Variants in LARP7 observed in about 807,000 individuals in gnomAD.
LARP7 encodes the protein la-related protein 7.
A neutral mutation model predicts 69.3 loss-of-function variants in LARP7; 52 were observed. That is an observed-to-expected ratio of 0.75 (90% CI 0.60 to 0.95). The LOEUF (loss-of-function observed/expected upper bound fraction) is 0.95. LARP7 is among the 40% of genes least tolerant of loss of function. LARP7 has a pLI of 0.00. For missense variants in LARP7, 733 were observed against 673.0 expected, an observed-to-expected ratio of 1.09 and a Z score of -0.99; for synonymous variants, 254 against 215.9, an observed-to-expected ratio of 1.18 and a Z score of -1.55.
At chr4:112,655,520 G>A (rs2048920835) in intron 12 of LARP7, 1 of 152,166 alleles carries the variant, frequency 6.6e-6, no homozygotes, top group Admixed American at 6.6e-5. Flanking sequence ...AGTAAGTGCT[G>A]TGCAAAGCTT....
Position 112,647,993 on chromosome 4 carries a change from G to C in LARP7, c.1142+159G>C, listed in dbSNP as rs372925614. On this transcript the variant is annotated intron_variant, in intron 8 of 12. Transcript: ENST00000344442. ...TGGGCGTTAACGCAATTGCTGATTA[G>C]GTAGGAACCACCACACTCAAACATG... 52 of 716,090 alleles carry C rather than the reference G, an allele frequency of 7.3e-5. No individual in the cohort carries two copies. The African/African-American group carries it at 8.8e-4, about 12-fold the overall frequency. The allele number at this position is 716,090 out of a possible 1,614,324, so 44.4% of individuals were successfully genotyped here. A position where few individuals can be genotyped will look rare whatever the true frequency, so the allele number is the denominator to read the frequency against.
chr4:112,644,583 G>A, intron 1 of LARP7, 85 bp from the exon 2 acceptor site: 1 of 1,112,670 alleles, frequency 9.0e-7, no homozygotes. Context: ...TATTCTCTCA[G>A]ACAGTTAAAG....
At chr4:112,647,918 G>A (rs746561600) in intron 8 of LARP7, 84 bp downstream of exon 8, 8 of 1,015,748 alleles carry the variant, frequency 7.9e-6, no homozygotes, top group South Asian at 7.6e-5. Context: ...ATTCAACAGA[G>A]TTGCATATTA....
chr4:112,646,921 T>A lies in LARP7; in HGVS notation c.518T>A (p.Phe173Tyr). 1 of 1,607,940 alleles carries A rather than the reference T, an allele frequency of 6.2e-7. No individual in the cohort carries two copies. Among genetic ancestry groups the A allele is most frequent in the Non-Finnish European group, 8.5e-7 (1 of 1,178,798 alleles). ...CCAAAGGGATTTGCGTTTGTGGAAT[T>A]TGAAACAAAAGAACAAGCAGCAAAA... ...GDPKGFAFVEFETKEQAAKAI... is the reference protein window; with the variant it reads ...GDPKGFAFVEYETKEQAAKAI... Residue 173 changes from phenylalanine (F) to tyrosine (Y), a missense_variant, in exon 5 of 13, where the codon TTT becomes TAT. Transcript: ENST00000344442.
Position 112,649,722 on chromosome 4 carries a change from G to A in LARP7, c.1294+36G>A, listed in dbSNP as rs118095673. Reference sequence around the variant, plus strand: ...CTGATAGTTTTGACAACATTATAATGTACTTATATATGTAAATGCTATCTC... The same window carrying A: ...CTGATAGTTTTGACAACATTATAATATACTTATATATGTAAATGCTATCTC... On this transcript the variant is annotated intron_variant, in intron 9 of 12. Transcript: ENST00000344442. The A allele has an allele frequency of 2.9e-3, 4,095 of 1,413,754 alleles. 74 individuals are homozygous for A. The East Asian group carries it at 0.046, about 16-fold the overall frequency. The allele number at this position is 1,413,754 out of a possible 1,614,324, so 87.6% of individuals were successfully genotyped here. A position where few individuals can be genotyped will look rare whatever the true frequency, so the allele number is the denominator to read the frequency against.
At chr4:112,655,432 G>A (rs1425547862) in intron 12 of LARP7, 1 of 152,256 alleles carries the variant, frequency 6.6e-6, no homozygotes, top group East Asian at 1.9e-4. Flanking sequence ...CAGGATTGTC[G>A]TTAACGCAAT....
At chr4:112,640,456 C>T (rs2047917365) in intron 1 of LARP7, among the ~76,000 whole-genome samples, 1 of 152,276 alleles carries the variant, frequency 6.6e-6, no homozygotes, top group African/African-American at 2.4e-5. Context: ...AATCTCAGCA[C>T]TTTGAGAGGC....
At chr4:112,644,257 AG>A in intron 1 of LARP7, 1 of 173,404 alleles carries the variant, frequency 5.8e-6, no homozygotes, top group East Asian at 1.0e-4. Flanking sequence ...AAAAAAAAAA[AG>A]CGAATACAAC....
intron 7 of LARP7, 26 bp from the exon 8 acceptor site, chr4:112,647,664 C>A: frequency 5.3e-6 from 8 of 1,505,538 alleles, no homozygotes; most frequent in Non-Finnish European, 7.1e-6. Flanking sequence ...CATGTCTTAA[C>A]GGAGAGCTTT....
At position 112,647,200 on chromosome 4, in the gene LARP7, AGAG is replaced by A. The variant is rs778422840; in HGVS notation, c.649_651del (p.Glu217del). ...CTAATAATGATGGCACTTTTACAGAAGAGAAGAAAAAGAAAAAGAAGAAGAAAG... is the reference window on the plus strand; with the variant it reads ...CTAATAATGATGGCACTTTTACAGAAAAGAAAAAGAAAAAGAAGAAGAAAG... On this transcript the variant is annotated inframe_deletion and splice_region_variant, in exon 7 of 13. Coordinates refer to ENST00000344442, the MANE Select transcript of LARP7 (RefSeq NM_016648.4). The A allele has an allele frequency of 2.1e-5, 34 of 1,589,104 alleles. No homozygotes were observed. The highest frequency in any genetic ancestry group is 1.7e-4 in the Admixed American group (9 of 52,440).
intron 10 of LARP7, among the ~76,000 whole-genome samples, chr4:112,652,462 C>G (rs2048789153): frequency 6.6e-6 from 1 of 152,056 alleles, no homozygotes; most frequent in African/African-American, 2.4e-5. Context: ...TTAATTTGCC[C>G]TCACAGCAGG....
intron 1 of LARP7, among the ~76,000 whole-genome samples, chr4:112,641,237 A>C (rs1210550460): frequency 6.6e-6 from 1 of 152,102 alleles, no homozygotes; most frequent in Non-Finnish European, 1.5e-5. Context: ...AATACAAAAA[A>C]AAATTAGCCA....
intron 3 of LARP7, 21 bp from the exon 4 acceptor site, chr4:112,646,567 A>G: frequency 7.1e-7 from 1 of 1,415,364 alleles, no homozygotes; most frequent in South Asian, 1.4e-5. Flanking sequence ...AGTTTTATTA[A>G]TGTAATATAC....
intron 1 of LARP7, among the ~76,000 whole-genome samples, chr4:112,639,418 G>C (rs1338081555): frequency 6.6e-6 from 1 of 151,754 alleles, no homozygotes. Context: ...TTTTAGTAGA[G>C]ACGTGGTCTC....
In LARP7 at chr4:112,650,480, T is replaced by C. The variant is rs769565877; in HGVS notation, c.1314T>C (p.Cys438=). ...KNEKTANREE[C]RTQEKVNATG... ...AATCAGCAGCCAACAGGGAAGAGTG[T>C]CGCACCCAGGAGAAAGTTAATGCAA... Residue 438 remains cysteine (C), a synonymous_variant, in exon 10 of 13, where the codon TGT becomes TGC. Coordinates refer to ENST00000344442, the MANE Select transcript of LARP7 (RefSeq NM_016648.4). 2.9e-5 allele frequency: 46 copies of C among 1,613,728 alleles called. No homozygotes were observed. The highest frequency in any genetic ancestry group is 3.9e-5 in the Non-Finnish European group (46 of 1,179,810).
chr4:112,645,452 A>ATAT, intron 2 of LARP7: 1 of 454,164 alleles, frequency 2.2e-6, no homozygotes, highest in Admixed American at 2.4e-5. Context: ...GTGTAACTCG[A>ATAT]GAGTGCTATA....
At chr4:112,653,307 T>G in intron 11 of LARP7, 71 bp downstream of exon 11, 1 of 1,320,294 alleles carries the variant, frequency 7.6e-7, no homozygotes, top group Non-Finnish European at 1.0e-6. Flanking sequence ...TTTCTGAGTT[T>G]GGCTAATGAA....
chr4:112,657,332 A>T lies in LARP7; in HGVS notation c.*5A>T. ...AGATTTTCTGAATATGATTGAAAAA[A>T]AAAACAGTTCACCTCTTAATACTTC... On this transcript the variant is annotated 3_prime_UTR_variant, in exon 13 of 13. Coordinates refer to ENST00000344442, the MANE Select transcript of LARP7 (RefSeq NM_016648.4). The T allele has an allele frequency of 6.5e-7, 1 of 1,532,016 alleles. No homozygotes were observed. Among genetic ancestry groups the T allele is most frequent in the East Asian group, 2.3e-5 (1 of 43,716 alleles). 94.9% of individuals were successfully genotyped at this position (1,532,016 alleles called of 1,614,324 possible). A position where few individuals can be genotyped will look rare whatever the true frequency, so the allele number is the denominator to read the frequency against.
intron 9 of LARP7, chr4:112,650,149 CTT>C (rs562335739): frequency 9.4e-6 from 2 of 213,188 alleles, no homozygotes; most frequent in Non-Finnish European, 1.9e-5. Context: ...TATCCTTTAA[CTT>C]TTTTTTAACT....
Sources: allele counts gnomAD v4.1 joint callset (sites outside exome capture counted in the v4.1 genomes callset), GRCh38; gene constraint gnomAD v4.1.1; transcripts MANE v1.5; gene names NCBI Gene and HGNC (gene_info 2026-07-23, HGNC 2026-07-21).